PCDH15: variants seen among roughly 807,000 people sequenced by gnomAD.
The protein encoded by PCDH15 is protocadherin related 15.
A neutral mutation model predicts 178.5 loss-of-function variants in PCDH15; 129 were observed. The observed-to-expected ratio is 0.72, with a 90% CI of 0.63 to 0.84. The LOEUF is 0.84. Ranked by LOEUF, PCDH15 falls within the 40% of genes least tolerant of loss-of-function variation. The pLI is 0.00. For missense variants in PCDH15, 2,230 were observed against 2,099.9 expected, an observed-to-expected ratio of 1.06 and a Z score of -1.21; for synonymous variants, 800 against 732.0, an observed-to-expected ratio of 1.09 and a Z score of -1.50.
chr10:54,599,647 A>T (rs1011780706), intron 2 of PCDH15: 5 of 370,238 alleles, frequency 1.4e-5, no homozygotes, highest in Non-Finnish European at 2.0e-5. Context: ...AAAAGCAAAA[A>T]TTGACAAACT....
intron 2 of PCDH15, among the ~76,000 whole-genome samples, chr10:54,924,679 C>A (rs1837574281): frequency 6.6e-6 from 1 of 152,052 alleles, no homozygotes; most frequent in Non-Finnish European, 1.5e-5. Context: ...TTTTGATTTG[C>A]ATTTTCCTAG....
intron 13 of PCDH15, among the ~76,000 whole-genome samples, chr10:54,171,518 C>T (rs893521083): frequency 2.7e-5 from 4 of 150,178 alleles, no homozygotes; most frequent in Admixed American, 6.6e-5. Flanking sequence ...TCTAGTCATA[C>T]TCCTATTCAC....
At chr10:53,901,643 A>C (rs2082341939) in intron 26 of PCDH15, among the ~76,000 whole-genome samples, 1 of 152,128 alleles carries the variant, frequency 6.6e-6, no homozygotes, top group South Asian at 2.1e-4. Context: ...CCTAGAACGA[A>C]TCCCATATTC....
At chr10:54,995,337 C>CTG (rs956215651) in intron 2 of PCDH15, among the ~76,000 whole-genome samples, 31 of 147,744 alleles carry the variant, frequency 2.1e-4, no homozygotes, top group Admixed American at 1.9e-3. Flanking sequence ...GATCGCATCA[C>CTG]TGCACTCCAG....
intron 8 of PCDH15, among the ~76,000 whole-genome samples, chr10:54,306,733 C>A (rs1202927988): frequency 6.6e-6 from 1 of 151,446 alleles, no homozygotes; most frequent in African/African-American, 2.4e-5. Flanking sequence ...AAAGGGCAAG[C>A]ATGTGATTCA....
intron 3 of PCDH15, among the ~76,000 whole-genome samples, chr10:54,391,339 T>G (rs558859877): frequency 1.3e-5 from 2 of 151,790 alleles, no homozygotes; most frequent in South Asian, 2.1e-4. Flanking sequence ...TATGCATGGA[T>G]CCTTAATATG....
At chr10:53,872,991 C>T (rs2079981434) in intron 26 of PCDH15, among the ~76,000 whole-genome samples, 1 of 152,186 alleles carries the variant, frequency 6.6e-6, no homozygotes, top group African/African-American at 2.4e-5. Context: ...GCATTTAATG[C>T]TTCATCAGCT....
At chr10:54,146,952 A>ATATATATATAGTGTATATATATAGTGTG (rs1564530643) in intron 14 of PCDH15, among the ~76,000 whole-genome samples, 2 of 99,030 alleles carry the variant, frequency 2.0e-5, no homozygotes, top group African/African-American at 8.9e-5. Flanking sequence ...TATATAGTGT[A>ATATATATATAGTGTATATATATAGTGTG]TATATATATA....
intron 3 of PCDH15, among the ~76,000 whole-genome samples, chr10:54,502,873 T>A (rs926276283): frequency 2.0e-5 from 3 of 152,008 alleles, no homozygotes; most frequent in African/African-American, 7.2e-5. Context: ...AGATTGTAAA[T>A]CTCTTCGAAT....
chr10:55,132,293 C>T (rs1379163051), intron 2 of PCDH15, among the ~76,000 whole-genome samples: 1 of 152,178 alleles, frequency 6.6e-6, no homozygotes, highest in Non-Finnish European at 1.5e-5. Flanking sequence ...AGAATTATTG[C>T]ACTGAAAGTT....
intron 2 of PCDH15, among the ~76,000 whole-genome samples, chr10:55,336,145 A>AC (rs1317743264): frequency 1.3e-5 from 2 of 149,944 alleles, no homozygotes; most frequent in African/African-American, 5.0e-5. Flanking sequence ...AAAAAAAAAA[A>AC]AAAAAAAAAC....
At chr10:55,111,814 T>C (rs1015323630) in intron 2 of PCDH15, among the ~76,000 whole-genome samples, 2 of 152,098 alleles carry the variant, frequency 1.3e-5, no homozygotes, top group Non-Finnish European at 2.9e-5. Flanking sequence ...TTGCACTACA[T>C]TGCACTACGG....
intron 13 of PCDH15, among the ~76,000 whole-genome samples, chr10:54,181,660 G>A (rs2047996461): frequency 6.6e-6 from 1 of 152,080 alleles, no homozygotes; most frequent in South Asian, 2.1e-4. Flanking sequence ...AAATAAACTA[G>A]TTACAGTTTT....
intron 28 of PCDH15, among the ~76,000 whole-genome samples, chr10:53,849,159 T>C (rs934602303): frequency 6.6e-6 from 1 of 152,118 alleles, no homozygotes; most frequent in South Asian, 2.1e-4. Flanking sequence ...AGAAAGAATA[T>C]TGATTCTGAC....
At chr10:54,860,772 A>T (rs1953824455) in intron 3 of PCDH15, among the ~76,000 whole-genome samples, 2 of 152,252 alleles carry the variant, frequency 1.3e-5, no homozygotes, top group South Asian at 4.1e-4. Context: ...CACAAACTCT[A>T]CTGAAAATTT....
intron 1 of PCDH15, among the ~76,000 whole-genome samples, chr10:54,698,224 C>T (rs902536116): frequency 2.6e-5 from 4 of 152,082 alleles, no homozygotes; most frequent in African/African-American, 7.2e-5. Context: ...GAAAGTTAAA[C>T]ACGTTTGGAT....
At chr10:54,106,541 A>C (rs1371738889) in intron 15 of PCDH15, among the ~76,000 whole-genome samples, 4 of 152,346 alleles carry the variant, frequency 2.6e-5, no homozygotes, top group Admixed American at 1.3e-4. Flanking sequence ...TATAAAGCCC[A>C]AAATCAAGAA....
intron 27 of PCDH15, among the ~76,000 whole-genome samples, chr10:53,863,854 G>A (rs2079267158): frequency 6.6e-6 from 1 of 152,146 alleles, no homozygotes; most frequent in Admixed American, 6.5e-5. Context: ...ATCTAAAGGA[G>A]CCAGAAAGAA....
chr10:55,020,278 T>C (rs2131953595), intron 2 of PCDH15, among the ~76,000 whole-genome samples: 1 of 151,898 alleles, frequency 6.6e-6, no homozygotes, highest in Non-Finnish European at 1.5e-5. Context: ...ATAATCCCTT[T>C]CTACAAATAG....
Sources: allele counts gnomAD v4.1 joint callset (sites outside exome capture counted in the v4.1 genomes callset), GRCh38; gene constraint gnomAD v4.1.1; transcripts MANE v1.5; gene names NCBI Gene and HGNC (gene_info 2026-07-23, HGNC 2026-07-21).